The following NELL1 variants were observed in gnomAD, a reference collection of about 807,000 sequenced individuals.
NELL1 encodes neural EGFL like 1, also known as protein kinase C-binding protein NELL1.
NELL1 carries 76 observed loss-of-function variants against 107.4 expected under a neutral mutation model. The ratio of observed to expected loss-of-function variants is 0.71; its 90% CI spans 0.59 to 0.86. The LOEUF is 0.86. Ranked by LOEUF, NELL1 falls within the 40% of genes least tolerant of loss-of-function variation. NELL1 has a pLI of 0.00. For synonymous variants in NELL1, 353 were observed against 341.2 expected (o/e 1.03, Z -0.38); for missense variants, 1,024 against 1,005.5 (o/e 1.02, Z -0.25).
chr11:20,905,987 T>C (rs1849989172), intron 5 of NELL1, among the ~76,000 whole-genome samples: 1 of 152,158 alleles, frequency 6.6e-6, no homozygotes. Context: ...TGAGACACGT[T>C]ATGATAAAAC....
At chr11:20,995,840 T>C (rs1852080029) in intron 12 of NELL1, among the ~76,000 whole-genome samples, 1 of 152,194 alleles carries the variant, frequency 6.6e-6, no homozygotes. Context: ...TCTGGCTCAC[T>C]GGAATGCTAC....
intron 15 of NELL1, among the ~76,000 whole-genome samples, chr11:21,521,837 A>T (rs1024193193): frequency 6.6e-6 from 1 of 152,162 alleles, no homozygotes; most frequent in Non-Finnish European, 1.5e-5. Flanking sequence ...GTTTAATTTG[A>T]ATTTCTCTGA....
intron 13 of NELL1, among the ~76,000 whole-genome samples, chr11:21,210,404 C>T (rs73452259): frequency 0.026 from 3,940 of 152,090 alleles, 168 homozygotes; most frequent in African/African-American, 0.087. Flanking sequence ...GTTATCTATC[C>T]TTTTTATTTT....
At chr11:20,879,202 C>T (rs1281567228) in intron 4 of NELL1, among the ~76,000 whole-genome samples, 2 of 152,054 alleles carry the variant, frequency 1.3e-5, no homozygotes, top group Non-Finnish European at 2.9e-5. Flanking sequence ...CCAGCCACTA[C>T]CAGAGTCTTG....
At chr11:20,893,828 A>G (rs1475307527) in intron 5 of NELL1, among the ~76,000 whole-genome samples, 1 of 147,392 alleles carries the variant, frequency 6.8e-6, no homozygotes, top group Non-Finnish European at 1.5e-5. Context: ...AAAAATAAGG[A>G]CTCATAAATG....
intron 3 of NELL1, among the ~76,000 whole-genome samples, chr11:20,793,776 C>T (rs1042921687): frequency 6.6e-6 from 1 of 152,044 alleles, no homozygotes; most frequent in Middle Eastern, 3.2e-3. Context: ...ATTAAAAATG[C>T]TTAATGGGTG....
chr11:20,726,912 C>A (rs1333977243), intron 2 of NELL1, among the ~76,000 whole-genome samples: 2 of 152,178 alleles, frequency 1.3e-5, no homozygotes, highest in Non-Finnish European at 2.9e-5. Flanking sequence ...CATGTCCCTG[C>A]AAAGGACATG....
At chr11:21,497,276 T>C (rs1855007020) in intron 15 of NELL1, among the ~76,000 whole-genome samples, 1 of 152,058 alleles carries the variant, frequency 6.6e-6, no homozygotes, top group Non-Finnish European at 1.5e-5. Flanking sequence ...CTGCACGTTG[T>C]GCACATGTAC....
chr11:21,552,200 A>G (rs544047154), intron 16 of NELL1, among the ~76,000 whole-genome samples: 4 of 150,154 alleles, frequency 2.7e-5, no homozygotes, highest in East Asian at 4.0e-4. Flanking sequence ...TGACGAGTTA[A>G]TGGGTACAGC....
At chr11:21,313,187 A>G (rs1351536351) in intron 14 of NELL1, among the ~76,000 whole-genome samples, 5 of 152,182 alleles carry the variant, frequency 3.3e-5, no homozygotes, top group East Asian at 1.9e-4. Flanking sequence ...ATCAAATTCA[A>G]TGAGAAAGAT....
chr11:21,489,716 C>A (rs1854749390), intron 15 of NELL1, among the ~76,000 whole-genome samples: 1 of 152,006 alleles, frequency 6.6e-6, no homozygotes, highest in African/African-American at 2.4e-5. Context: ...TCTCAATAGA[C>A]ACAGAAAAAT....
intron 13 of NELL1, among the ~76,000 whole-genome samples, chr11:21,176,200 A>G (rs748342863): frequency 9.2e-5 from 14 of 151,874 alleles, no homozygotes; most frequent in Admixed American, 2.0e-4. Flanking sequence ...TGGAGATGTC[A>G]TGAATGTTTC....
chr11:20,689,199 C>T (rs1854387325), intron 2 of NELL1, among the ~76,000 whole-genome samples: 1 of 151,906 alleles, frequency 6.6e-6, no homozygotes, highest in Non-Finnish European at 1.5e-5. Context: ...GCATAGTTTG[C>T]AAATATTTTC....
chr11:20,921,331 C>T (rs1043810414), intron 7 of NELL1, among the ~76,000 whole-genome samples: 1 of 152,106 alleles, frequency 6.6e-6, no homozygotes, highest in Non-Finnish European at 1.5e-5. Context: ...TTTATATCCC[C>T]TGTCACTTTA....
chr11:20,712,544 T>C (rs931113353), intron 2 of NELL1, among the ~76,000 whole-genome samples: 2 of 152,220 alleles, frequency 1.3e-5, no homozygotes, highest in Non-Finnish European at 2.9e-5. Context: ...GGGGGTGTTA[T>C]AGAACCTGTT....
At chr11:21,323,509 A>G (rs1850060013) in intron 14 of NELL1, among the ~76,000 whole-genome samples, 1 of 152,082 alleles carries the variant, frequency 6.6e-6, no homozygotes, top group African/African-American at 2.4e-5. Flanking sequence ...AAAACCTATA[A>G]ATGTAGTAAA....
At chr11:20,930,857 G>A (rs1330606837) in intron 9 of NELL1, among the ~76,000 whole-genome samples, 4 of 148,028 alleles carry the variant, frequency 2.7e-5, no homozygotes, top group Admixed American at 6.8e-5. Context: ...TAGTTAGGTA[G>A]CACTAATTTT....
chr11:20,796,379 A>G (rs1221062338), intron 3 of NELL1, among the ~76,000 whole-genome samples: 1 of 152,176 alleles, frequency 6.6e-6, no homozygotes, highest in African/African-American at 2.4e-5. Flanking sequence ...AAAGGGGAGA[A>G]AATTCCAGAA....
rs569769038 is a variant in NELL1 at position 21,097,279 on chromosome 11, T to A, written c.1301-16310T>A. Among the ~76,000 whole-genome samples, 7 of 152,322 alleles carry A rather than the reference T, an allele frequency of 4.6e-5. No homozygotes were observed. The East Asian group carries it at 1.2e-3, about 25-fold the overall frequency. On this transcript the variant is annotated intron_variant, in intron 12 of 19. Coordinates refer to ENST00000357134, the MANE Select transcript of NELL1 (RefSeq NM_006157.5). ...GGATATAAAATGCTCCAGGAATAAA[T>A]GCTTGGTGCCGTGAAGTAAAACCAG...
Sources: gnomAD v4.1 joint callset for allele counts (sites outside exome capture counted in the v4.1 genomes callset) on GRCh38, gnomAD v4.1.1 for gene constraint, MANE v1.5 for transcripts, NCBI Gene and HGNC (gene_info 2026-07-23, HGNC 2026-07-21) for gene names.